The following FRG1 variants were observed in gnomAD, a reference collection of about 807,000 sequenced individuals.
The protein encoded by FRG1 is protein FRG1.
Under a neutral mutation model 37.0 loss-of-function variants are expected in FRG1, and 19 were observed. That is an observed-to-expected ratio of 0.51 (90% CI 0.36 to 0.75). The LOEUF (loss-of-function observed/expected upper bound fraction) is 0.75. Among genes scored for constraint, FRG1 ranks in the 30% least tolerant of loss-of-function variants. The pLI is 0.00. For synonymous variants in FRG1, 73 were observed against 96.5 expected, an observed-to-expected ratio of 0.76 and a Z score of 1.43; for missense variants, 243 against 301.4, an observed-to-expected ratio of 0.81 and a Z score of 1.44.
chr4:189,950,946 A>AG (rs1736727672), intron 2 of FRG1, among the ~76,000 whole-genome samples: 1 of 152,168 alleles, frequency 6.6e-6, no homozygotes, highest in African/African-American at 2.4e-5. Flanking sequence ...ATACTATGTC[A>AG]TTATCAGACC....
intron 2 of FRG1, 131 bp downstream of exon 2, chr4:189,943,403 T>C: frequency 1.0e-6 from 1 of 1,002,828 alleles, no homozygotes; most frequent in East Asian, 2.4e-5. Context: ...TTACCTACAG[T>C]TATAAATTCC....
rs570998028 is a variant in FRG1, at chr4:189,963,062, A to C, written c.741-31A>C. 4 of 1,492,204 alleles carry C rather than the reference A, an allele frequency of 2.7e-6. No homozygotes were observed. In the African/African-American group the frequency reaches 6.9e-5, roughly 26 times the overall value. The allele number at this position is 1,492,204 out of a possible 1,614,324, so 92.4% of individuals were successfully genotyped here. On this transcript the variant is annotated intron_variant, in intron 8 of 8. Coordinates refer to ENST00000226798, the MANE Select transcript of FRG1 (RefSeq NM_004477.3). Reference sequence around the variant, plus strand: ...TGAATATATATGGCATGTTTTACATAGATTAATTTTATTTTTCTTTGTTTA... The same window carrying C: ...TGAATATATATGGCATGTTTTACATCGATTAATTTTATTTTTCTTTGTTTA...
chr4:189,957,210 T>G (rs1737018623), intron 5 of FRG1, among the ~76,000 whole-genome samples, 188 bp from the exon 6 acceptor site: 1 of 152,252 alleles, frequency 6.6e-6, no homozygotes, highest in Non-Finnish European at 1.5e-5. Flanking sequence ...TGGTAATCTT[T>G]GAATAGTAAA....
intron 2 of FRG1, among the ~76,000 whole-genome samples, chr4:189,943,776 C>A (rs1411562736): frequency 6.6e-6 from 1 of 152,068 alleles, no homozygotes; most frequent in Non-Finnish European, 1.5e-5. Context: ...GCCTGTTTTC[C>A]GTTTAGTTCT....
At chr4:189,949,578 A>G (rs535810828) in intron 2 of FRG1, among the ~76,000 whole-genome samples, 1 of 152,338 alleles carries the variant, frequency 6.6e-6, no homozygotes, top group South Asian at 2.1e-4. Flanking sequence ...TTAATGAGTT[A>G]TTATATTTAA....
At chr4:189,941,195 C>T in intron 1 of FRG1, 124 bp downstream of exon 1, 1 of 875,736 alleles carries the variant, frequency 1.1e-6, no homozygotes, top group Non-Finnish European at 1.8e-6. Context: ...TCGCCCTGGC[C>T]CCTGTCCGGG....
intron 1 of FRG1, among the ~76,000 whole-genome samples, chr4:189,941,324 T>G (rs948994543): frequency 2.6e-4 from 39 of 152,142 alleles, no homozygotes; most frequent in Admixed American, 2.3e-3. Context: ...ACCCACGAGT[T>G]TGGGTCCCCT....
In FRG1 at chr4:189,955,141, T is replaced by C. The variant is rs368294191; in HGVS notation, c.422T>C (p.Val141Ala). 3.7e-6 allele frequency: 6 copies of C among 1,607,712 alleles called. No individual in the cohort carries two copies. The highest frequency in any genetic ancestry group is 5.1e-6 in the Non-Finnish European group (6 of 1,174,256). The change falls in exon 5 of 9, where the codon GTC becomes GCC. Residue 141 changes from valine to alanine, a missense_variant. By Grantham distance (64) the Val-to-Ala change is moderately conservative. Around this residue, in one of 2 missense-constraint regions of FRG1, gnomAD observed 133 missense variants for 199.3 expected, o/e 0.67. Transcript: ENST00000226798. ...GGACCAAGAGAACAATGGGAACCAG[T>C]CTTTCAAAATGTAAGTGCTGTTATT... ...AIGPREQWEP[V>A]FQNGKMALLA...
intron 2 of FRG1, among the ~76,000 whole-genome samples, chr4:189,945,435 T>C (rs1579619241): frequency 1.3e-5 from 2 of 152,234 alleles, no homozygotes; most frequent in Non-Finnish European, 2.9e-5. Context: ...TTTAAAACTT[T>C]GTTTCTTGGG....
chr4:189,941,457 T>G (rs759725973), intron 1 of FRG1, among the ~76,000 whole-genome samples: 6 of 151,004 alleles, frequency 4.0e-5, no homozygotes, highest in African/African-American at 1.2e-4. Flanking sequence ...AGAAAACTTA[T>G]TAATTTTTTC....
intron 4 of FRG1, among the ~76,000 whole-genome samples, chr4:189,954,417 T>C (rs758384531): frequency 6.6e-6 from 1 of 152,118 alleles, no homozygotes; most frequent in Non-Finnish European, 1.5e-5. Context: ...AAGTAAGTTT[T>C]AGTAATTTAT....
In FRG1 at chr4:189,955,071, G is replaced by A; in HGVS notation, c.352G>A (p.Gly118Ser). 1 of 1,612,870 alleles carries A rather than the reference G, an allele frequency of 6.2e-7. No homozygotes were observed. ...ALKSGYGKYLGINSDGLVVGR... is the reference protein window; with the variant it reads ...ALKSGYGKYLSINSDGLVVGR... ...GAAGTCTGGCTATGGAAAATATCTT[G>A]GTATAAATTCAGATGGACTTGTTGT... The change falls in exon 5 of 9, where the codon GGT becomes AGT. Residue 118 changes from glycine to serine, a missense_variant. Transcript: ENST00000226798.
At chr4:189,959,369 A>G (rs1006840026) in intron 6 of FRG1, among the ~76,000 whole-genome samples, 1 of 152,150 alleles carries the variant, frequency 6.6e-6, no homozygotes, top group African/African-American at 2.4e-5. Context: ...AGACAAGAAG[A>G]CAGCCTCTGA....
At chr4:189,949,976 G>A (rs911847406) in intron 2 of FRG1, among the ~76,000 whole-genome samples, 1 of 152,118 alleles carries the variant, frequency 6.6e-6, no homozygotes, top group Non-Finnish European at 1.5e-5. Flanking sequence ...CACCAGCATT[G>A]CACAGGGTTT....
intron 5 of FRG1, 76 bp from the exon 6 acceptor site, chr4:189,957,322 T>C (rs1349348615): frequency 6.7e-7 from 1 of 1,488,566 alleles, no homozygotes; most frequent in Non-Finnish European, 9.0e-7. Context: ...GGAGGAAAAA[T>C]TAATTCAGTC....
chr4:189,948,150 TA>T (rs1736606253), intron 2 of FRG1, among the ~76,000 whole-genome samples: 1 of 152,210 alleles, frequency 6.6e-6, no homozygotes, highest in African/African-American at 2.4e-5. Flanking sequence ...AAACTTGCCG[TA>T]TAAGTAAGCA....
rs2411528 is a variant in FRG1, at chr4:189,940,929, C to T, written c.-81C>T. On this transcript the variant is annotated 5_prime_UTR_variant, in exon 1 of 9. Transcript: ENST00000226798. ...GTTTATTTCGCGTCCGCTTCTGTTT[C>T]TCCGCGCCCCTGTGCTGCCCCGACT... 1.3e-5 allele frequency: 14 copies of T among 1,119,364 alleles called. No homozygotes were observed. The highest frequency in any genetic ancestry group is 2.4e-5 in the East Asian group (1 of 40,872). 69.3% of individuals were successfully genotyped at this position (1,119,364 alleles called of 1,614,324 possible).
In FRG1 at chr4:189,945,946, ATAT is replaced by A. The variant is rs199665865; in HGVS notation, c.133+2676_133+2678del. Among the ~76,000 whole-genome samples, 911 of 152,070 alleles carry A rather than the reference ATAT, an allele frequency of 6.0e-3. 8 individuals are homozygous for A. The highest frequency in any genetic ancestry group is 0.021 in the African/African-American group (877 of 41,470). ...TGGGAAAATTAAAATTTTTTAAGAG[ATAT>A]TTTCAGATTTTTCTGTTGTGTCAGT... On this transcript the variant is annotated intron_variant, in intron 2 of 8. Coordinates refer to ENST00000226798, the MANE Select transcript of FRG1 (RefSeq NM_004477.3).
chr4:189,944,218 C>G (rs995210588), intron 2 of FRG1, among the ~76,000 whole-genome samples: 2 of 152,048 alleles, frequency 1.3e-5, no homozygotes, highest in Non-Finnish European at 1.5e-5. Context: ...ACTCTGTCTC[C>G]CAAGCTGGAA....
Sources: gnomAD v4.1 joint callset for allele counts (sites outside exome capture counted in the v4.1 genomes callset) on GRCh38, gnomAD v4.1.1 for gene constraint, gnomAD v4.1.1 regional missense constraint, MANE v1.5 for transcripts, NCBI Gene and HGNC (gene_info 2026-07-23, HGNC 2026-07-21) for gene names.